FASN: variants seen among roughly 807,000 people sequenced by gnomAD.
FASN encodes the protein fatty acid synthase, also known as 3-hydroxyacyl-[acyl-carrier-protein] dehydratase.
A neutral mutation model predicts 250.0 loss-of-function variants in FASN; 50 were observed. The observed-to-expected ratio is 0.20, with a 90% CI of 0.16 to 0.25. The LOEUF (loss-of-function observed/expected upper bound fraction) is 0.25, where lower values mean the gene tolerates loss of function less well. Ranked by LOEUF, FASN falls within the 10% of genes least tolerant of loss-of-function variation. The pLI is 1.00. For missense variants in FASN, 3,031 were observed against 3,498.5 expected, an observed-to-expected ratio of 0.87 and a Z score of 3.37; for synonymous variants, 1,909 against 1,584.0, an observed-to-expected ratio of 1.21 and a Z score of -4.87.
At position 82,088,760 on chromosome 17, in the gene FASN, C is replaced by T; in HGVS notation, c.2420+1G>A. On this transcript the variant is annotated splice_donor_variant, in intron 15 of 42. Coordinates refer to ENST00000306749, the MANE Select transcript of FASN (RefSeq NM_004104.5). LOFTEE classifies it high-confidence loss of function. ...GAGACCCGGGCTGGGAAGGGACCCA[C>T]CCTGAGAGGTGCAGCCTGCCGATGC... 6.2e-7 allele frequency: 1 copy of T among 1,611,110 alleles called. No homozygotes were observed. The highest frequency in any genetic ancestry group is 8.5e-7 in the Non-Finnish European group (1 of 1,178,950).
chr17:82,089,284 G>A lies in FASN; in HGVS notation c.2066C>T (p.Ala689Val), dbSNP rs2034160808. Reference sequence around the variant, plus strand: ...CTCCTGCAGCAGTGGGGGTGCGATGGCCTCCATGAAGTAGGAGTGGAAGGC... The same window carrying A: ...CTCCTGCAGCAGTGGGGGTGCGATGACCTCCATGAAGTAGGAGTGGAAGGC... ...GMAFHSYFME[A>V]IAPPLLQELK... The change falls in exon 13 of 43, where the codon GCC becomes GTC. Residue 689 changes from alanine to valine, a missense_variant. Coordinates refer to ENST00000306749, the MANE Select transcript of FASN (RefSeq NM_004104.5). 6 of 1,612,750 alleles carry A rather than the reference G, an allele frequency of 3.7e-6. No homozygotes were observed. The highest frequency in any genetic ancestry group is 5.1e-6 in the Non-Finnish European group (6 of 1,179,946).
chr17:82,089,664 A>C lies in FASN; in HGVS notation c.1933T>G (p.Ser645Ala). 1 of 1,605,618 alleles carries C rather than the reference A, an allele frequency of 6.2e-7. No individual in the cohort carries two copies. Among genetic ancestry groups the C allele is most frequent in the Non-Finnish European group, 8.5e-7 (1 of 1,177,048 alleles). ...PPGVVPACHN[S>A]KDTVTISGPQ... Reference sequence around the variant, plus strand: ...CCCGAGATGGTGACTGTGTCCTTGGAGTTGTGGCAGGCGGGCACCACGCCC... The same window carrying C: ...CCCGAGATGGTGACTGTGTCCTTGGCGTTGTGGCAGGCGGGCACCACGCCC... The change falls in exon 12 of 43, where the codon TCC becomes GCC. Residue 645 changes from serine to alanine, a missense_variant. Ser to Ala is a moderately conservative substitution (Grantham distance 99). Transcript: ENST00000306749.
chr17:82,079,975 C>T (rs192294000), intron 41 of FASN, 165 bp downstream of exon 41: 49 of 795,260 alleles, frequency 6.2e-5, no homozygotes, highest in Non-Finnish European at 7.6e-5. Context: ...CCCAAAGTGC[C>T]GGGATTACAG....
rs201599253 is a variant in FASN at position 82,090,408 on chromosome 17, C to T, written c.1837G>A (p.Ala613Thr). 1.7e-4 allele frequency: 274 copies of T among 1,599,200 alleles called. 1 individual carries two copies. The highest frequency in any genetic ancestry group is 2.3e-4 in the Non-Finnish European group (265 of 1,174,216). Reference sequence around the variant, plus strand: ...GCCATGGCGCCCGGCGGGAGATGGGCTTCTTTGATGCACTGTCCCCTCCAG... The same window carrying T: ...GCCATGGCGCCCGGCGGGAGATGGGTTTCTTTGATGCACTGTCCCCTCCAG... ...AYWRGQCIKE[A>T]HLPPGAMAAV... Residue 613 changes from alanine (A) to threonine (T), a missense_variant, in exon 11 of 43, where the codon GCC becomes ACC. Transcript: ENST00000306749.
chr17:82,080,904 G>T lies in FASN; in HGVS notation c.6614C>A (p.Pro2205His), dbSNP rs964806081. The T allele has an allele frequency of 1.2e-6, 2 of 1,609,594 alleles. No individual in the cohort carries two copies. Among genetic ancestry groups the T allele is most frequent in the Non-Finnish European group, 1.7e-6 (2 of 1,178,910 alleles). ...CTGCTGGGCCAGACCATCCTCCTTG[G>T]GCGTGGGGCATGCCAGCTCTGTGAA... The part of the protein sequence containing the change: ...DEASELACPT[P>H]KEDGLAQQQT... The change falls in exon 39 of 43, where the codon CCC becomes CAC. Residue 2205 changes from proline to histidine, a missense_variant. Physicochemically the swap from Pro to His is moderately conservative, Grantham distance 77. Coordinates refer to ENST00000306749, the MANE Select transcript of FASN (RefSeq NM_004104.5).
chr17:82,082,356 T>G lies in FASN; in HGVS notation c.5978A>C (p.Lys1993Thr). The change falls in exon 35 of 43, where the codon AAG becomes ACG. Residue 1993 changes from lysine (K) to threonine (T), a missense_variant. Physicochemically the swap from Lys to Thr is moderately conservative, Grantham distance 78. Coordinates refer to ENST00000306749, the MANE Select transcript of FASN (RefSeq NM_004104.5). ...QTPEFFQDVC[K>T]PKYSGTLNLD... The stretch of plus-strand genomic sequence containing the variant: ...GTTCAGGGTGCCGCTGTACTTGGGC[T>G]TGCAGACGTCCTGGAAGAACTCTGG... The G allele has an allele frequency of 6.8e-6, 11 of 1,612,898 alleles. No homozygotes were observed. Among genetic ancestry groups the G allele is most frequent in the Non-Finnish European group, 9.3e-6 (11 of 1,179,998 alleles).
In FASN at chr17:82,084,559, G is replaced by A. The variant is rs201688091; in HGVS notation, c.4722C>T (p.Arg1574=). The A allele has an allele frequency of 8.3e-5, 133 of 1,611,846 alleles. No homozygotes were observed. The highest frequency in any genetic ancestry group is 1.2e-4 in the African/African-American group (9 of 75,052). The change falls in exon 27 of 43, where the codon CGC becomes CGT. Residue 1574 remains arginine (R), a synonymous_variant. Transcript: ENST00000306749. ...GCTTGCCAGTGGCCAGCATGATGTC[G>A]CGGAAGTTGAGGGAGGCGTAGTAGA... The part of the protein sequence containing the change: ...CTVYYASLNF[R]DIMLATGKLS...
At chr17:82,086,828 CAA>C (rs1382557920) in intron 21 of FASN, among the ~76,000 whole-genome samples, 1 of 149,222 alleles carries the variant, frequency 6.7e-6, no homozygotes, top group East Asian at 2.0e-4. Flanking sequence ...TCTTTGCCCC[CAA>C]GTACCCTTTC....
Position 82,087,973 on chromosome 17 carries a change from G to C in FASN, c.2847C>G (p.Asn949Lys), listed in dbSNP as rs753019931. Residue 949 changes from asparagine (N) to lysine (K), a missense_variant, in exon 18 of 43, where the codon AAC (asparagine) becomes AAG (lysine). Physicochemically the swap from Asn to Lys is moderately conservative, Grantham distance 94 (BLOSUM62 0). Transcript: ENST00000306749. The stretch of plus-strand genomic sequence containing the variant: ...GCTTACCACTCACTACCAGGTTGCC[G>C]TTCTCTGACACCTCGAAGGCACGGG... ...EASRAFEVSE[N>K]GNLVVSGKVY... is the part of the protein sequence containing the mutation. The C allele has an allele frequency of 3.1e-6, 5 of 1,612,726 alleles. No homozygotes were observed. The South Asian group carries it at 5.5e-5, about 18-fold the overall frequency.
At position 82,083,641 on chromosome 17, in the gene FASN, TA is replaced by T; in HGVS notation, c.5219-3del. 6.2e-7 allele frequency: 1 copy of T among 1,607,230 alleles called. No homozygotes were observed. Among genetic ancestry groups the T allele is most frequent in the Non-Finnish European group, 8.5e-7 (1 of 1,177,706 alleles). Reference sequence around the variant, plus strand: ...AGGAGTTCAAGACCAGGTCAACGCCTAGGGGGCCAGAGGGGCCAGACAATCA... The same window carrying T: ...AGGAGTTCAAGACCAGGTCAACGCCTGGGGGCCAGAGGGGCCAGACAATCA... On this transcript the variant is annotated splice_region_variant and splice_polypyrimidine_tract_variant and intron_variant, in intron 30 of 42. Coordinates refer to ENST00000306749, the MANE Select transcript of FASN (RefSeq NM_004104.5).
chr17:82,085,910 C>A, intron 22 of FASN, 39 bp from the exon 23 acceptor site: 1 of 1,493,660 alleles, frequency 6.7e-7, no homozygotes, highest in South Asian at 1.3e-5. Context: ...CCACACCAGG[C>A]AGGTGCCCCT....
In FASN at chr17:82,080,850, A is replaced by T; in HGVS notation, c.6668T>A (p.Leu2223Gln). Reference sequence around the variant, plus strand: ...CAGGGTGGGGCCCTCCGGGTTCACCAGCAGGGAGCGCAGGTTCAGCTGAGT... The same window carrying T: ...CAGGGTGGGGCCCTCCGGGTTCACCTGCAGGGAGCGCAGGTTCAGCTGAGT... ...QQTQLNLRSL[L>Q]VNPEGPTLMR... Residue 2223 changes from leucine to glutamine, a missense_variant, in exon 39 of 43, where the codon CTG becomes CAG. Physicochemically the swap from Leu to Gln is moderately radical, Grantham distance 113. Coordinates refer to ENST00000306749, the MANE Select transcript of FASN (RefSeq NM_004104.5). 1 of 1,611,506 alleles carries T rather than the reference A, an allele frequency of 6.2e-7. No homozygotes were observed. Among genetic ancestry groups the T allele is most frequent in the Non-Finnish European group, 8.5e-7 (1 of 1,179,596 alleles).
In FASN at chr17:82,088,253, C is replaced by T. The variant is rs753970857; in HGVS notation, c.2648G>A (p.Arg883His). Residue 883 changes from arginine to histidine, a missense_variant, in exon 17 of 43, where the codon CGC (arginine) becomes CAC (histidine). Coordinates refer to ENST00000306749, the MANE Select transcript of FASN (RefSeq NM_004104.5). The stretch of plus-strand genomic sequence containing the variant: ...GTAGCCAGTGGCGGGGAAGAGGACG[C>T]GACCGTCGAGGGTGTGGTCCACCAG... ...HYLVDHTLDG[R>H]VLFPATGYLS... 2.4e-5 allele frequency: 39 copies of T among 1,606,834 alleles called. No homozygotes were observed. The highest frequency in any genetic ancestry group is 1.2e-4 in the South Asian group (11 of 91,084).
rs142275662 is a variant in FASN at position 82,080,880 on chromosome 17, T to C, written c.6638A>G (p.Gln2213Arg). Residue 2213 changes from glutamine (Q) to arginine (R), a missense_variant, in exon 39 of 43, where the codon CAG (glutamine) becomes CGG (arginine). Transcript: ENST00000306749. ...GGAGCGCAGGTTCAGCTGAGTCTGC[T>C]GCTGGGCCAGACCATCCTCCTTGGG... is the stretch of plus-strand genomic sequence containing the variant. ...PTPKEDGLAQ[Q>R]QTQLNLRSLL... is the part of the protein sequence containing the mutation. 4.1e-4 allele frequency: 655 copies of C among 1,611,132 alleles called. No homozygotes were observed. The highest frequency in any genetic ancestry group is 5.1e-4 in the Middle Eastern group (3 of 5,912).
chr17:82,091,105 T>A (rs1359722452), intron 9 of FASN, 36 bp from the exon 10 acceptor site: 1 of 1,606,772 alleles, frequency 6.2e-7, no homozygotes, highest in African/African-American at 1.3e-5. Flanking sequence ...CTCAGCCCCA[T>A]CCCGTGCCAC....
At chr17:82,094,666 G>A (rs914079375) in intron 3 of FASN, among the ~76,000 whole-genome samples, 30 of 151,776 alleles carry the variant, frequency 2.0e-4, no homozygotes, top group African/African-American at 7.0e-4. Context: ...GTGGGCGCCT[G>A]TAGTCCCGGC....
At chr17:82,090,314 C>A (rs931370679) in intron 11 of FASN, 61 bp downstream of exon 11, 1 of 1,506,674 alleles carries the variant, frequency 6.6e-7, no homozygotes. Context: ...AGGTGAGGAC[C>A]CCACAGCGAG....
intron 35 of FASN, 51 bp downstream of exon 35, chr17:82,082,272 C>A: frequency 6.2e-7 from 1 of 1,608,298 alleles, no homozygotes; most frequent in Non-Finnish European, 8.5e-7. Flanking sequence ...GCTCCCACGG[C>A]CCTGAGCCCA....
In FASN at chr17:82,085,093, A is replaced by G; in HGVS notation, c.4351T>C (p.Ser1451Pro). The G allele has an allele frequency of 6.2e-7, 1 of 1,612,388 alleles. No homozygotes were observed. The highest frequency in any genetic ancestry group is 8.5e-7 in the Non-Finnish European group (1 of 1,179,874). ...VWLKAINCAT[S>P]GVVGLVNCLR... The stretch of plus-strand genomic sequence containing the variant: ...CAGTTCACCAAGCCCACCACGCCCG[A>G]GGTGGCACAGTTGATGGCCTTCAGC... The change falls in exon 25 of 43, where the codon TCG (serine) becomes CCG (proline). Residue 1451 changes from serine to proline, a missense_variant. Ser to Pro is a moderately conservative substitution (Grantham distance 74). Transcript: ENST00000306749.
Sources: gnomAD v4.1 joint callset for allele counts (sites outside exome capture counted in the v4.1 genomes callset) on GRCh38, gnomAD v4.1.1 for gene constraint, MANE v1.5 for transcripts, NCBI Gene and HGNC (gene_info 2026-07-23, HGNC 2026-07-21) for gene names.